ANK3: variants seen among roughly 807,000 people sequenced by gnomAD.
ANK3 encodes the protein ankyrin 3, also known as ankyrin-3.
A neutral mutation model predicts 370.9 loss-of-function variants in ANK3; 57 were observed. That is an observed-to-expected ratio of 0.15 (90% CI 0.12 to 0.19). ANK3 has a LOEUF of 0.19. Among genes scored for constraint, ANK3 ranks in the 10% least tolerant of loss-of-function variants. ANK3 has a pLI of 1.00. For synonymous variants in ANK3, 1,929 were observed against 1,946.3 expected (o/e 0.99, Z 0.23); for missense variants, 4,439 against 5,302.1 (o/e 0.84, Z 5.06).
intron 23 of ANK3, among the ~76,000 whole-genome samples, chr10:60,147,917 C>T (rs1373467539): frequency 6.6e-6 from 1 of 152,196 alleles, no homozygotes; most frequent in East Asian, 1.9e-4. Context: ...ACTAATACAA[C>T]TTTCTGGCTT....
At chr10:60,062,288 T>C (rs916141925) in intron 40 of ANK3, 1 of 152,158 alleles carries the variant, frequency 6.6e-6, no homozygotes. Flanking sequence ...CAAAAATTCA[T>C]TGTAGGAATA....
chr10:60,154,242 G>C (rs2095254135), intron 23 of ANK3, among the ~76,000 whole-genome samples: 1 of 152,198 alleles, frequency 6.6e-6, no homozygotes, highest in Non-Finnish European at 1.5e-5. Context: ...TAAGAACAGT[G>C]ACTTAATGAA....
intron 30 of ANK3, among the ~76,000 whole-genome samples, chr10:60,085,984 C>T (rs185708606): frequency 1.1e-4 from 17 of 152,232 alleles, no homozygotes; most frequent in African/African-American, 3.9e-4. Flanking sequence ...GCATTCTGTA[C>T]AATTAATTAC....
chr10:60,570,386 G>C (rs958246234), intron 2 of ANK3, among the ~76,000 whole-genome samples: 1 of 152,176 alleles, frequency 6.6e-6, no homozygotes, highest in Non-Finnish European at 1.5e-5. Context: ...GGAGAATCAA[G>C]ACATTTCAAG....
intron 2 of ANK3, among the ~76,000 whole-genome samples, chr10:60,455,997 C>T (rs546576526): frequency 2.0e-5 from 3 of 152,292 alleles, no homozygotes; most frequent in Non-Finnish European, 4.4e-5. Flanking sequence ...TATAAGCACC[C>T]TAGGCAGAGA....
At chr10:60,063,966 G>T (rs376573959) in intron 39 of ANK3, among the ~76,000 whole-genome samples, 191 bp downstream of exon 39, 2 of 152,140 alleles carry the variant, frequency 1.3e-5, no homozygotes, top group East Asian at 3.8e-4. Context: ...AAGAATAGAA[G>T]TTTAGACTGT....
At chr10:60,155,029 G>A (rs1409338874) in intron 23 of ANK3, among the ~76,000 whole-genome samples, 1 of 152,096 alleles carries the variant, frequency 6.6e-6, no homozygotes, top group Non-Finnish European at 1.5e-5. Context: ...AAAGATGGCT[G>A]AATAGAACAC....
At chr10:60,641,653 T>C (rs2078634647) in intron 1 of ANK3, among the ~76,000 whole-genome samples, 3 of 152,088 alleles carry the variant, frequency 2.0e-5, no homozygotes, top group Admixed American at 6.5e-5. Flanking sequence ...AAGACTTAAA[T>C]GTTAGACCTA....
intron 7 of ANK3, among the ~76,000 whole-genome samples, chr10:60,256,781 G>A (rs2097744215): frequency 1.3e-5 from 2 of 152,112 alleles, no homozygotes; most frequent in Non-Finnish European, 1.5e-5. Context: ...CTGCATCCAT[G>A]TTGCTGCAAA....
At chr10:60,606,562 G>T (rs2078131318) in intron 2 of ANK3, among the ~76,000 whole-genome samples, 1 of 152,130 alleles carries the variant, frequency 6.6e-6, no homozygotes. Flanking sequence ...GCTGATTAAG[G>T]TAAAACCTTG....
intron 2 of ANK3, among the ~76,000 whole-genome samples, chr10:60,459,350 A>G (rs1016038792): frequency 6.6e-6 from 1 of 152,152 alleles, no homozygotes; most frequent in African/African-American, 2.4e-5. Flanking sequence ...ACCCTGTATG[A>G]TCTGGCAGGT....
chr10:60,059,888 T>C, intron 40 of ANK3: 4 of 1,614,220 alleles, frequency 2.5e-6, no homozygotes, highest in Non-Finnish European at 3.4e-6. Context: ...TACTAGGGGT[T>C]CTAAGGGGAG....
At chr10:60,309,997 C>CAGTTGTGTGA (rs1221721193) in intron 1 of ANK3, among the ~76,000 whole-genome samples, 1 of 149,402 alleles carries the variant, frequency 6.7e-6, no homozygotes, top group Non-Finnish European at 1.5e-5. Context: ...GTGATCATAG[C>CAGTTGTGTGA]TCACTGTAAC....
intron 25 of ANK3, among the ~76,000 whole-genome samples, chr10:60,120,967 C>A (rs1400193469): frequency 2.6e-5 from 4 of 152,108 alleles, no homozygotes; most frequent in Middle Eastern, 3.4e-3. Flanking sequence ...TAGGTATATA[C>A]CCAAAAGAAA....
intron 1 of ANK3, among the ~76,000 whole-genome samples, chr10:60,301,323 CGT>C (rs1310036329): frequency 2.1e-4 from 30 of 145,712 alleles, no homozygotes; most frequent in Non-Finnish European, 6.1e-5. Flanking sequence ...CATACACACA[CGT>C]GTGTATATAT....
intron 2 of ANK3, among the ~76,000 whole-genome samples, chr10:60,471,632 C>G (rs1283417265): frequency 2.6e-5 from 4 of 152,054 alleles, no homozygotes; most frequent in African/African-American, 4.8e-5. Context: ...TGATCAAACA[C>G]TATATACCTT....
At chr10:60,090,974 G>A (rs1021344473) in intron 28 of ANK3, among the ~76,000 whole-genome samples, 7 of 152,014 alleles carry the variant, frequency 4.6e-5, no homozygotes, top group Admixed American at 4.6e-4. Context: ...GCACGATCTC[G>A]GCTCACTGCA....
chr10:60,703,828 G>T (rs1219388980), intron 1 of ANK3, among the ~76,000 whole-genome samples: 1 of 152,120 alleles, frequency 6.6e-6, no homozygotes, highest in Non-Finnish European at 1.5e-5. Context: ...AGTTCCATAT[G>T]TGTAGTAGCT....
intron 2 of ANK3, among the ~76,000 whole-genome samples, chr10:60,600,500 T>G (rs936153843): frequency 6.6e-6 from 1 of 152,138 alleles, no homozygotes; most frequent in African/African-American, 2.4e-5. Flanking sequence ...TGCTTTCTGG[T>G]TTTTTTCTTC....
Sources: gnomAD v4.1 joint callset for allele counts (sites outside exome capture counted in the v4.1 genomes callset) on GRCh38, gnomAD v4.1.1 for gene constraint, MANE v1.5 for transcripts, NCBI Gene and HGNC (gene_info 2026-07-23, HGNC 2026-07-21) for gene names.